Variants in CAMK1D observed in about 807,000 individuals in gnomAD.
CAMK1D encodes the protein calcium/calmodulin dependent protein kinase ID.
In CAMK1D, 9 loss-of-function variants were observed where a neutral mutation model predicts 47.7. That is an observed-to-expected ratio of 0.19 (90% CI 0.11 to 0.33). The LOEUF (loss-of-function observed/expected upper bound fraction) is 0.33, where lower values mean the gene tolerates loss of function less well. CAMK1D is among the 10% of genes least tolerant of loss of function. The pLI is 1.00. For missense variants in CAMK1D, 291 were observed against 488.7 expected (o/e 0.60, Z 3.81); for synonymous variants, 184 against 184.9 (o/e 0.99, Z 0.04).
In CAMK1D at chr10:12,817,757, C is replaced by T. The variant is rs367912303; in HGVS notation, c.833+1429C>T. On this transcript the variant is annotated intron_variant, in intron 8 of 10. Transcript: ENST00000619168. ...CCAGGCTGGAGTGCAGTGGGGCAGT[C>T]TCGGCTCACTGCAGCCTCCGCCTCC... Among the ~76,000 whole-genome samples the T allele has an allele frequency of 1.1e-4, 17 of 152,262 alleles. No individual in the cohort carries two copies. The East Asian group carries it at 1.2e-3, about 10-fold the overall frequency.
At chr10:12,785,907 G>A (rs968982207) in intron 5 of CAMK1D, among the ~76,000 whole-genome samples, 11 of 152,212 alleles carry the variant, frequency 7.2e-5, no homozygotes, top group African/African-American at 2.2e-4. Flanking sequence ...GCTGACTCCC[G>A]ATCACAGGAG....
intron 3 of CAMK1D, among the ~76,000 whole-genome samples, chr10:12,729,752 G>A (rs1332555151): frequency 1.3e-5 from 2 of 152,192 alleles, no homozygotes; most frequent in Non-Finnish European, 2.9e-5. Context: ...AGCCACATGG[G>A]TAGAGGTTGC....
chr10:12,418,635 C>T (rs1374479511), intron 1 of CAMK1D, among the ~76,000 whole-genome samples: 1 of 152,170 alleles, frequency 6.6e-6, no homozygotes, highest in African/African-American at 2.4e-5. Flanking sequence ...TATTGCACTC[C>T]AACTAGCAAT....
chr10:12,651,943 T>C (rs1839982742), intron 2 of CAMK1D, among the ~76,000 whole-genome samples: 1 of 151,908 alleles, frequency 6.6e-6, no homozygotes, highest in Non-Finnish European at 1.5e-5. Context: ...CACGCCCCGC[T>C]AATTTTTTTG....
intron 3 of CAMK1D, among the ~76,000 whole-genome samples, chr10:12,682,029 C>T (rs1377737063): frequency 6.6e-6 from 1 of 152,176 alleles, no homozygotes; most frequent in Non-Finnish European, 1.5e-5. Context: ...ACCATCCTGG[C>T]TAACACGGTG....
chr10:12,615,906 G>A (rs555096482), intron 2 of CAMK1D, among the ~76,000 whole-genome samples: 1 of 151,748 alleles, frequency 6.6e-6, no homozygotes, highest in South Asian at 2.1e-4. Flanking sequence ...GCATGTGCTG[G>A]TGTGTGTATA....
chr10:12,473,757 C>T (rs1175926676), intron 1 of CAMK1D, among the ~76,000 whole-genome samples: 1 of 152,130 alleles, frequency 6.6e-6, no homozygotes, highest in Admixed American at 6.5e-5. Flanking sequence ...GCGAGCATTG[C>T]AGAGCCATGG....
intron 1 of CAMK1D, among the ~76,000 whole-genome samples, chr10:12,369,434 G>A (rs1171153273): frequency 6.6e-6 from 1 of 152,194 alleles, no homozygotes; most frequent in African/African-American, 2.4e-5. Flanking sequence ...TGTAATTACA[G>A]TTCAGTGTGA....
chr10:12,730,102 G>A (rs965975685), intron 3 of CAMK1D, among the ~76,000 whole-genome samples: 2 of 152,322 alleles, frequency 1.3e-5, no homozygotes, highest in South Asian at 4.2e-4. Context: ...GGGGGCAGTG[G>A]TGAAAGCAGG....
chr10:12,792,432 A>G (rs369512733), intron 6 of CAMK1D, among the ~76,000 whole-genome samples: 28 of 152,364 alleles, frequency 1.8e-4, no homozygotes, highest in African/African-American at 6.7e-4. Flanking sequence ...TTGCTAGGAA[A>G]TGAATTTCCC....
At chr10:12,585,483 T>A (rs1230314615) in intron 2 of CAMK1D, among the ~76,000 whole-genome samples, 1 of 152,208 alleles carries the variant, frequency 6.6e-6, no homozygotes, top group Non-Finnish European at 1.5e-5. Flanking sequence ...CTGATAAAGA[T>A]ATACTCGAGA....
chr10:12,574,666 T>C lies in CAMK1D; in HGVS notation c.224+21310T>C, dbSNP rs188289719. Among the ~76,000 whole-genome samples the C allele has an allele frequency of 2.6e-5, 4 of 152,054 alleles. No individual in the cohort carries two copies. In the East Asian group the frequency reaches 7.7e-4, roughly 29 times the overall value. On this transcript the variant is annotated intron_variant, in intron 2 of 10. Transcript: ENST00000619168. ...GCTGACTTCTTCCTCCTCGTGTTAG[T>C]CTGTTCTCACACTGCTATAAAGAAC...
intron 2 of CAMK1D, among the ~76,000 whole-genome samples, chr10:12,608,031 T>C (rs1838514365): frequency 6.6e-6 from 1 of 152,048 alleles, no homozygotes; most frequent in African/African-American, 2.4e-5. Flanking sequence ...ATCCAGAGGG[T>C]ACTTACTATT....
At position 12,796,825 on chromosome 10, in the gene CAMK1D, T is replaced by C. The variant is rs191160391; in HGVS notation, c.641+5592T>C. 1.6e-3 allele frequency among the ~76,000 whole-genome samples: 244 copies of C among 152,306 alleles called. 3 individuals are homozygous for C. The highest frequency in any genetic ancestry group is 5.4e-3 in the African/African-American group (226 of 41,564). On this transcript the variant is annotated intron_variant, in intron 6 of 10. Coordinates refer to ENST00000619168, the MANE Select transcript of CAMK1D (RefSeq NM_153498.4). ...TTTTGGCTTTAGAAATTTGGAAACTTAGTTTGATCTGTTTATTCATCTTGT... is the reference window on the plus strand; with the variant it reads ...TTTTGGCTTTAGAAATTTGGAAACTCAGTTTGATCTGTTTATTCATCTTGT...
chr10:12,460,111 A>T (rs1015395377), intron 1 of CAMK1D, among the ~76,000 whole-genome samples: 1 of 152,308 alleles, frequency 6.6e-6, no homozygotes, highest in South Asian at 2.1e-4. Context: ...ATGCAAAGTC[A>T]TACAGATTCT....
intron 1 of CAMK1D, among the ~76,000 whole-genome samples, chr10:12,403,482 C>T (rs1349578653): frequency 1.3e-5 from 2 of 152,156 alleles, no homozygotes; most frequent in Non-Finnish European, 2.9e-5. Context: ...GCTCAGTTTC[C>T]AGAAGAGTGG....
At chr10:12,799,689 G>T (rs912593556) in intron 6 of CAMK1D, among the ~76,000 whole-genome samples, 12 of 152,202 alleles carry the variant, frequency 7.9e-5, no homozygotes, top group African/African-American at 2.9e-4. Flanking sequence ...GCCATGAGCT[G>T]CTCTGAAAGT....
At chr10:12,653,376 A>G (rs979290066) in intron 2 of CAMK1D, among the ~76,000 whole-genome samples, 5 of 152,244 alleles carry the variant, frequency 3.3e-5, no homozygotes, top group Non-Finnish European at 4.4e-5. Context: ...CTTATTATGC[A>G]CACTGATAGA....
Position 12,464,552 on chromosome 10 carries a change from A to G in CAMK1D, c.93-88673A>G, listed in dbSNP as rs542827876. The stretch of plus-strand genomic sequence containing the variant: ...TGGTCAAGGCCGGGCGCCGTGGCTC[A>G]TGCCTGTAATCCCAGTACTTTGGGA... On this transcript the variant is annotated intron_variant, in intron 1 of 10. Transcript: ENST00000619168. Among the ~76,000 whole-genome samples, 240 of 152,342 alleles carry G rather than the reference A, an allele frequency of 1.6e-3. 1 individual carries two copies. The highest frequency in any genetic ancestry group is 5.6e-3 in the African/African-American group (233 of 41,580).
Sources: gnomAD v4.1 joint callset for allele counts (sites outside exome capture counted in the v4.1 genomes callset) on GRCh38, gnomAD v4.1.1 for gene constraint, MANE v1.5 for transcripts, NCBI Gene and HGNC (gene_info 2026-07-23, HGNC 2026-07-21) for gene names.